The following PPA2 variants were observed in gnomAD, a reference collection of about 807,000 sequenced individuals.
The protein encoded by PPA2 is inorganic pyrophosphatase 2, also known as inorganic pyrophosphatase 2, mitochondrial.
A neutral mutation model predicts 49.5 loss-of-function variants in PPA2; 48 were observed. That is an observed-to-expected ratio of 0.97 (90% CI 0.77 to 1.23). PPA2 has a LOEUF of 1.23. Among genes scored for constraint, PPA2 ranks in the 50% most tolerant of loss-of-function variants. The pLI is 0.00. For missense variants in PPA2, 429 were observed against 410.1 expected, an observed-to-expected ratio of 1.05 and a Z score of -0.40; for synonymous variants, 131 against 139.9, an observed-to-expected ratio of 0.94 and a Z score of 0.45.
intron 1 of PPA2, among the ~76,000 whole-genome samples, chr4:105,458,652 T>A (rs1395012711): frequency 1.3e-5 from 2 of 151,636 alleles, no homozygotes; most frequent in Admixed American, 6.6e-5. Context: ...CAAAACCCCG[T>A]CTGTACTAAA....
At chr4:105,386,086 G>A (rs1433452447) in intron 10 of PPA2, among the ~76,000 whole-genome samples, 1 of 151,770 alleles carries the variant, frequency 6.6e-6, no homozygotes, top group Non-Finnish European at 1.5e-5. Context: ...TCCTTATGTT[G>A]GCCAGGCTGG....
chr4:105,398,992 C>T (rs750463275), intron 8 of PPA2, 45 bp downstream of exon 8: 1 of 1,572,086 alleles, frequency 6.4e-7, no homozygotes, highest in South Asian at 1.2e-5. Context: ...GAATATTGTA[C>T]AGGTATCAGG....
Position 105,411,914 on chromosome 4 carries a change from T to C in PPA2, c.655+12282A>G, listed in dbSNP as rs528361745. On this transcript the variant is annotated intron_variant, in intron 7 of 11. Coordinates refer to ENST00000341695, the MANE Select transcript of PPA2 (RefSeq NM_176869.3). ...TGAAGGACCTCTTCAAGGAGAACTA[T>C]AAACCACTGCTCAACAAAATAAAAG... Among the ~76,000 whole-genome samples, 7 of 152,212 alleles carry C rather than the reference T, an allele frequency of 4.6e-5. No homozygotes were observed. In the East Asian group the frequency reaches 1.2e-3, roughly 25 times the overall value.
intron 11 of PPA2, 142 bp from the exon 12 acceptor site, chr4:105,369,895 C>T: frequency 5.5e-6 from 4 of 727,304 alleles, no homozygotes; most frequent in Middle Eastern, 2.8e-4. Context: ...TTGCATTTCT[C>T]TATTTAAAGC....
chr4:105,373,785 AC>A (rs1733125202), intron 10 of PPA2, among the ~76,000 whole-genome samples: 1 of 151,770 alleles, frequency 6.6e-6, no homozygotes, highest in Non-Finnish European at 1.5e-5. Context: ...ACACACACAC[AC>A]ACACACACAC....
intron 1 of PPA2, among the ~76,000 whole-genome samples, chr4:105,466,068 G>A (rs765127634): frequency 3.3e-5 from 5 of 151,688 alleles, no homozygotes; most frequent in Admixed American, 1.3e-4. Context: ...CACAAACTTC[G>A]TGTCTCAGAA....
chr4:105,406,809 T>G (rs1379159965), intron 7 of PPA2, among the ~76,000 whole-genome samples: 1 of 152,170 alleles, frequency 6.6e-6, no homozygotes, highest in Non-Finnish European at 1.5e-5. Context: ...CAAACCCATG[T>G]TGTTCAGGGG....
chr4:105,456,776 A>G, intron 1 of PPA2, 31 bp from the exon 2 acceptor site: 3 of 1,542,750 alleles, frequency 1.9e-6, no homozygotes, highest in South Asian at 2.3e-5. Context: ...AAAACAAAAC[A>G]GAATTAAAGC....
intron 9 of PPA2, 46 bp from the exon 10 acceptor site, chr4:105,386,682 A>G (rs772307638): frequency 6.5e-7 from 1 of 1,549,800 alleles, no homozygotes; most frequent in East Asian, 2.3e-5. Flanking sequence ...ATAAAAAGAA[A>G]CAATTACCAA....
intron 5 of PPA2, among the ~76,000 whole-genome samples, chr4:105,443,654 T>TTC (rs1724477116): frequency 6.8e-6 from 1 of 148,008 alleles, no homozygotes; most frequent in South Asian, 2.2e-4. Context: ...CTCTCTCTTT[T>TTC]TCTCTCTCTC....
intron 8 of PPA2, 107 bp from the exon 9 acceptor site, chr4:105,396,441 C>A: frequency 4.1e-6 from 3 of 727,774 alleles, no homozygotes; most frequent in South Asian, 2.6e-5. Context: ...AGAGCATGAG[C>A]TCCAGAGTCA....
chr4:105,371,997 C>CT (rs2110357212), intron 10 of PPA2, among the ~76,000 whole-genome samples: 1 of 152,280 alleles, frequency 6.6e-6, no homozygotes, highest in Admixed American at 6.5e-5. Context: ...ATCTAGGCAC[C>CT]TTTTACCTCC....
At chr4:105,452,689 A>T (rs1722721334) in intron 3 of PPA2, among the ~76,000 whole-genome samples, 1 of 152,146 alleles carries the variant, frequency 6.6e-6, no homozygotes, top group South Asian at 2.1e-4. Flanking sequence ...ATAAATGGAA[A>T]TGAAGCTGGA....
At chr4:105,430,608 C>T (rs1723753016) in intron 6 of PPA2, among the ~76,000 whole-genome samples, 1 of 152,104 alleles carries the variant, frequency 6.6e-6, no homozygotes, top group Admixed American at 6.6e-5. Flanking sequence ...ATGCCACTGC[C>T]CTGATCTAGG....
chr4:105,439,468 T>A (rs1303592672), intron 5 of PPA2, among the ~76,000 whole-genome samples: 4 of 152,182 alleles, frequency 2.6e-5, no homozygotes, highest in African/African-American at 9.6e-5. Context: ...AGTCTTCCCG[T>A]TACTGCTTCT....
chr4:105,446,665 A>G (rs1166678515), intron 4 of PPA2, among the ~76,000 whole-genome samples, 163 bp from the exon 5 acceptor site: 2 of 152,218 alleles, frequency 1.3e-5, no homozygotes, highest in African/African-American at 4.8e-5. Context: ...CTTATTACTA[A>G]TTTATAGCAC....
intron 6 of PPA2, among the ~76,000 whole-genome samples, chr4:105,435,200 C>T (rs1306641610): frequency 6.6e-6 from 1 of 152,070 alleles, no homozygotes; most frequent in Non-Finnish European, 1.5e-5. Flanking sequence ...CATAGCCAGG[C>T]ATGAAAGAAA....
rs547201223 is a variant in PPA2 at position 105,434,859 on chromosome 4, G to A, written c.528+3091C>T. ...CAAAGCAGTGTTTTGCTGTAACACC[G>A]TTAAAAACTGGAAAGGAAAACTCAA... On this transcript the variant is annotated intron_variant, in intron 6 of 11. Coordinates refer to ENST00000341695, the MANE Select transcript of PPA2 (RefSeq NM_176869.3). Among the ~76,000 whole-genome samples, 16 of 152,182 alleles carry A rather than the reference G, an allele frequency of 1.1e-4. No homozygotes were observed. The South Asian group carries it at 1.5e-3, about 14-fold the overall frequency.
At chr4:105,379,255 T>A (rs1733377048) in intron 10 of PPA2, among the ~76,000 whole-genome samples, 1 of 152,056 alleles carries the variant, frequency 6.6e-6, no homozygotes, top group Non-Finnish European at 1.5e-5. Flanking sequence ...TTCTTTTGTA[T>A]TTTTGATACC....
Sources: allele counts gnomAD v4.1 joint callset (sites outside exome capture counted in the v4.1 genomes callset), GRCh38; gene constraint gnomAD v4.1.1; transcripts MANE v1.5; gene names NCBI Gene and HGNC (gene_info 2026-07-23, HGNC 2026-07-21).